The following TOX3 variants were observed in gnomAD, a reference collection of about 807,000 sequenced individuals.
The protein encoded by TOX3 is CAG trinucleotide repeat-containing gene F9 protein.
In TOX3, 22 loss-of-function variants were observed where a neutral mutation model predicts 64.3. The observed-to-expected ratio is 0.34, with a 90% CI of 0.24 to 0.49. The LOEUF (loss-of-function observed/expected upper bound fraction) is 0.49. Ranked by LOEUF, TOX3 falls within the 20% of genes least tolerant of loss-of-function variation. TOX3 has a pLI of 0.99. For missense variants in TOX3, 661 were observed against 714.4 expected (o/e 0.93, Z 0.85); for synonymous variants, 291 against 273.6 (o/e 1.06, Z -0.63).
chr16:52,499,998 C>G (rs1961958778), intron 1 of TOX3, among the ~76,000 whole-genome samples: 1 of 152,206 alleles, frequency 6.6e-6, no homozygotes, highest in Non-Finnish European at 1.5e-5. Context: ...ATTTCTGCTT[C>G]TGATCCAATG....
At chr16:52,547,783 G>C (rs1021151438), upstream of TOX3, 2 of 152,182 alleles carry the variant, frequency 1.3e-5, no homozygotes, top group African/African-American at 4.8e-5. Flanking sequence ...AGCTTCCCAG[G>C]TGAAGCCTCG....
At chr16:52,528,009 C>T (rs570116391) in intron 1 of TOX3, among the ~76,000 whole-genome samples, 2 of 152,162 alleles carry the variant, frequency 1.3e-5, no homozygotes, top group East Asian at 3.9e-4. Context: ...AACTATTTAG[C>T]CCAAAACATC....
chr16:52,492,113 G>T (rs1961702813), intron 1 of TOX3, among the ~76,000 whole-genome samples: 1 of 151,612 alleles, frequency 6.6e-6, no homozygotes, highest in African/African-American at 2.4e-5. Flanking sequence ...TTCTCAAAAT[G>T]GGTCTGTACA....
chr16:52,443,880 A>G (rs778123645), intron 6 of TOX3, among the ~76,000 whole-genome samples: 9 of 152,174 alleles, frequency 5.9e-5, no homozygotes, highest in Non-Finnish European at 8.8e-5. Flanking sequence ...ATGCCCCCCA[A>G]TTGTAGTAAT....
chr16:52,515,959 A>C (rs1194118129), intron 1 of TOX3, among the ~76,000 whole-genome samples: 1 of 112,534 alleles, frequency 8.9e-6, no homozygotes, highest in Non-Finnish European at 1.7e-5. Context: ...CCCATTTGAA[A>C]TGTGTGCTTG....
At chr16:52,467,014 A>G (rs1960886810) in intron 2 of TOX3, among the ~76,000 whole-genome samples, 1 of 152,230 alleles carries the variant, frequency 6.6e-6, no homozygotes, top group Non-Finnish European at 1.5e-5. Context: ...TTATTTTTTT[A>G]CAGATATTGA....
rs138364255 is a variant in TOX3, at chr16:52,486,809, G to A, written c.88-18235C>T. Among the ~76,000 whole-genome samples, 300 of 152,090 alleles carry A rather than the reference G, an allele frequency of 2.0e-3. 2 individuals carry two copies. The highest frequency in any genetic ancestry group is 6.9e-3 in the African/African-American group (285 of 41,488). On this transcript the variant is annotated intron_variant, in intron 1 of 6. Coordinates refer to ENST00000219746, the MANE Select transcript of TOX3 (RefSeq NM_001080430.4). ...AAATTAGCAGAGTGTGGTAGTGCGC[G>A]CCTGTAGTCCCAGCTACTCTGGAGG... is the stretch of plus-strand genomic sequence containing the variant.
chr16:52,515,967 T>TTGTG (rs3086690), intron 1 of TOX3, among the ~76,000 whole-genome samples: 3,591 of 149,690 alleles, frequency 0.024, 116 homozygotes, highest in African/African-American at 0.075. Context: ...AAATGTGTGC[T>TTGTG]TGTGTGTGTG....
intron 1 of TOX3, among the ~76,000 whole-genome samples, chr16:52,486,843 G>T (rs1296879521): frequency 6.6e-6 from 1 of 152,096 alleles, no homozygotes; most frequent in Non-Finnish European, 1.5e-5. Flanking sequence ...GGCTGAGACG[G>T]GGGTATCACT....
At chr16:52,536,672 T>C (rs1369897546) in intron 1 of TOX3, among the ~76,000 whole-genome samples, 3 of 99,866 alleles carry the variant, frequency 3.0e-5, no homozygotes, top group African/African-American at 1.1e-4. Context: ...TATATATATA[T>C]ATATACATGT....
At chr16:52,448,792 G>T (rs752599557) in intron 4 of TOX3, among the ~76,000 whole-genome samples, 3 of 150,782 alleles carry the variant, frequency 2.0e-5, no homozygotes, top group African/African-American at 7.3e-5. Flanking sequence ...TCTCATCCAC[G>T]TGCTGATGGT....
At chr16:52,478,756 C>A (rs1462397287) in intron 1 of TOX3, among the ~76,000 whole-genome samples, 2 of 152,134 alleles carry the variant, frequency 1.3e-5, no homozygotes, top group African/African-American at 2.4e-5. Flanking sequence ...CCTCTCTGAA[C>A]TTCTGTTTCC....
Position 52,485,246 on chromosome 16 carries a change from GTATA to G in TOX3, c.88-16676_88-16673del, listed in dbSNP as rs34195222. On this transcript the variant is annotated intron_variant, in intron 1 of 6. Coordinates refer to ENST00000219746, the MANE Select transcript of TOX3 (RefSeq NM_001080430.4). Reference sequence around the variant, plus strand: ...CATGTGTGTGTGTGTATGTGTGTGTGTATATATATATATATATATATATATACAT... The same window carrying G: ...CATGTGTGTGTGTGTATGTGTGTGTGTATATATATATATATATATATACAT... 4.6e-3 allele frequency among the ~76,000 whole-genome samples: 590 copies of G among 127,824 alleles called. 3 individuals are homozygous for G. Among genetic ancestry groups the G allele is most frequent in the South Asian group, 8.9e-3 (37 of 4,162 alleles). The allele number at this position is 127,824 out of a possible 152,430, so 83.9% of individuals were successfully genotyped here.
In TOX3 at chr16:52,446,217, A is replaced by G; in HGVS notation, c.683T>C (p.Ile228Thr). ...EEDADEANRA[I>T]GEKRAAPDSG... Reference sequence around the variant, plus strand: ...GTCTGGAGCAGCTCTTTTCTCTCCAATGGCCTGCAAAGCAGGAAGAAAATT... The same window carrying G: ...GTCTGGAGCAGCTCTTTTCTCTCCAGTGGCCTGCAAAGCAGGAAGAAAATT... Residue 228 changes from isoleucine to threonine, a missense_variant, in exon 5 of 7, where the codon ATT becomes ACT. Transcript: ENST00000219746. The G allele has an allele frequency of 6.2e-7, 1 of 1,612,664 alleles. No individual in the cohort carries two copies. The highest frequency in any genetic ancestry group is 1.1e-5 in the South Asian group (1 of 90,894).
chr16:52,495,893 C>A lies in TOX3; in HGVS notation c.88-27319G>T, dbSNP rs183975907. Among the ~76,000 whole-genome samples the A allele has an allele frequency of 5.4e-3, 824 of 152,284 alleles. 1 individual carries two copies. The highest frequency in any genetic ancestry group is 8.7e-3 in the Admixed American group (133 of 15,298). On this transcript the variant is annotated intron_variant, in intron 1 of 6. Coordinates refer to ENST00000219746, the MANE Select transcript of TOX3 (RefSeq NM_001080430.4). ...CTACATTTTCTTCCGTTTATTCTCA[C>A]AAGAATTTACTCTCACCTCCACCCC...
chr16:52,533,570 C>G (rs765819327), intron 1 of TOX3, among the ~76,000 whole-genome samples: 5 of 152,194 alleles, frequency 3.3e-5, no homozygotes, highest in Non-Finnish European at 7.3e-5. Context: ...TTGAAAAACA[C>G]TGTTTACACC....
At chr16:52,492,405 T>C (rs565948989) in intron 1 of TOX3, among the ~76,000 whole-genome samples, 21 of 145,876 alleles carry the variant, frequency 1.4e-4, no homozygotes, top group African/African-American at 4.0e-4. Context: ...TTATCAAATA[T>C]TATCATCATG....
chr16:52,466,162 C>T (rs1017977664), intron 2 of TOX3, among the ~76,000 whole-genome samples: 4 of 152,186 alleles, frequency 2.6e-5, no homozygotes, highest in African/African-American at 7.2e-5. Context: ...ATTAACAATA[C>T]GGATAAACAC....
intron 1 of TOX3, among the ~76,000 whole-genome samples, chr16:52,539,161 G>A (rs1596870669): frequency 6.6e-6 from 1 of 152,114 alleles, no homozygotes; most frequent in Non-Finnish European, 1.5e-5. Flanking sequence ...ATTCATAAAT[G>A]GCTAATATGG....
Sources: gnomAD v4.1 joint callset for allele counts (sites outside exome capture counted in the v4.1 genomes callset) on GRCh38, gnomAD v4.1.1 for gene constraint, MANE v1.5 for transcripts, NCBI Gene and HGNC (gene_info 2026-07-23, HGNC 2026-07-21) for gene names.